The following GSTA5 variants were observed in gnomAD, a reference collection of about 807,000 sequenced individuals.
GSTA5 encodes glutathione S-transferase alpha 5, also known as glutathione S-transferase A5.
A neutral mutation model predicts 21.8 loss-of-function variants in GSTA5; 25 were observed. The ratio of observed to expected loss-of-function variants is 1.14; its 90% CI spans 0.83 to 1.60. GSTA5 has a LOEUF of 1.60. GSTA5 is among the 40% of genes most tolerant of loss of function. The pLI is 0.00. For synonymous variants in GSTA5, 102 were observed against 89.5 expected, an observed-to-expected ratio of 1.14 and a Z score of -0.78; for missense variants, 330 against 259.2, an observed-to-expected ratio of 1.27 and a Z score of -1.88.
At chr6:52,833,449 G>C (rs9370155) in intron 4 of GSTA5, among the ~76,000 whole-genome samples, 16,642 of 152,102 alleles carry the variant, frequency 0.11, 1,499 homozygotes, top group Admixed American at 0.29. Flanking sequence ...GTCCTCATTT[G>C]TCCTTGTCTG....
rs73740671 is a variant in GSTA5, at chr6:52,840,684, G to A, written c.87+43C>T. The A allele has an allele frequency of 2.2e-3, 3,443 of 1,544,776 alleles. 57 individuals carry two copies. The African/African-American group carries it at 0.04, about 18-fold the overall frequency. ...TTCTGTGGGAAAAGTATGTGATAAC[G>A]CAATTTTAAATCCAACTTAAGATGA... On this transcript the variant is annotated intron_variant, in intron 1 of 5. Transcript: ENST00000370989.
upstream of GSTA5, among the ~76,000 whole-genome samples, chr6:52,845,088 A>C (rs1764435125): frequency 6.6e-6 from 1 of 152,150 alleles, no homozygotes; most frequent in Non-Finnish European, 1.5e-5. Context: ...ATATGAATCC[A>C]GACATATCAA....
chr6:52,836,984 A>G (rs184757865), intron 2 of GSTA5, among the ~76,000 whole-genome samples: 50 of 152,228 alleles, frequency 3.3e-4, no homozygotes, highest in African/African-American at 1.1e-3. Flanking sequence ...AGAGGTTGGG[A>G]CAAGTTACAA....
At chr6:52,833,236 C>T (rs949853350) in intron 4 of GSTA5, among the ~76,000 whole-genome samples, 2 of 152,154 alleles carry the variant, frequency 1.3e-5, no homozygotes, top group African/African-American at 4.8e-5. Context: ...GGTGTCTACA[C>T]AACCCACCCA....
At chr6:52,832,586 T>C (rs962189941) in intron 5 of GSTA5, among the ~76,000 whole-genome samples, 1 of 152,076 alleles carries the variant, frequency 6.6e-6, no homozygotes, top group Admixed American at 6.5e-5. Flanking sequence ...CACATTGAAA[T>C]AGAGGGATGG....
At chr6:52,834,889 A>AC (rs35236825) in intron 3 of GSTA5, among the ~76,000 whole-genome samples, 4 of 152,086 alleles carry the variant, frequency 2.6e-5, no homozygotes, top group Non-Finnish European at 5.9e-5. Flanking sequence ...CTTTCCTGAG[A>AC]CCCCACCTAA....
At chr6:52,833,080 C>T (rs1764240832) in intron 4 of GSTA5, 90 bp from the exon 5 acceptor site, 2 of 1,485,988 alleles carry the variant, frequency 1.3e-6, no homozygotes, top group Admixed American at 1.7e-5. Flanking sequence ...CTGACTTTTC[C>T]CACCTCTGTT....
chr6:52,836,428 GA>G (rs1039026802), intron 2 of GSTA5, 60 bp from the exon 3 acceptor site: 17 of 1,511,938 alleles, frequency 1.1e-5, no homozygotes, highest in African/African-American at 1.1e-4. Flanking sequence ...CTTTTGGGAT[GA>G]AAAAAATGGT....
At chr6:52,838,653 A>G (rs1764325200) in intron 1 of GSTA5, among the ~76,000 whole-genome samples, 1 of 152,250 alleles carries the variant, frequency 6.6e-6, no homozygotes, top group Non-Finnish European at 1.5e-5. Flanking sequence ...CAGTTATTAC[A>G]TAATGATGCA....
chr6:52,837,678 C>T (rs765837393), intron 1 of GSTA5, 69 bp from the exon 2 acceptor site: 72 of 1,077,776 alleles, frequency 6.7e-5, no homozygotes, highest in Non-Finnish European at 9.0e-5. Context: ...GTTGAATGGC[C>T]CCTATCTGGT....
At chr6:52,837,669 T>C in intron 1 of GSTA5, 60 bp from the exon 2 acceptor site, 2 of 1,185,738 alleles carry the variant, frequency 1.7e-6, no homozygotes, top group Non-Finnish European at 2.5e-6. Flanking sequence ...ACTTGTGATG[T>C]TGAATGGCCC....
intron 3 of GSTA5, among the ~76,000 whole-genome samples, chr6:52,834,539 G>A (rs1233884823): frequency 6.6e-6 from 1 of 152,080 alleles, no homozygotes; most frequent in African/African-American, 2.4e-5. Flanking sequence ...TTACACACAT[G>A]ACCTAATACA....
chr6:52,841,230 T>C (rs1342364257), upstream of GSTA5, among the ~76,000 whole-genome samples: 1 of 152,244 alleles, frequency 6.6e-6, no homozygotes, highest in Non-Finnish European at 1.5e-5. Context: ...AAATGGTTGT[T>C]TTCTCCAATT....
intron 3 of GSTA5, among the ~76,000 whole-genome samples, 188 bp from the exon 4 acceptor site, chr6:52,834,470 G>A (rs1764265672): frequency 1.3e-5 from 2 of 152,098 alleles, no homozygotes; most frequent in Admixed American, 1.3e-4. Context: ...ATTTTTACAG[G>A]TATATTAACA....
intron 1 of GSTA5, 94 bp downstream of exon 1, chr6:52,840,633 G>A: frequency 2.7e-6 from 3 of 1,123,260 alleles, no homozygotes; most frequent in East Asian, 2.4e-5. Flanking sequence ...AAGGCACAAT[G>A]CTTCAGTAAG....
chr6:52,834,257 C>T (rs138014515), exon 4 of GSTA5: 1 of 1,613,926 alleles, frequency 6.2e-7, no homozygotes, highest in Non-Finnish European at 8.5e-7. Flanking sequence ...GTCAAATCTA[C>T]TATACCTTCT....
upstream of GSTA5, among the ~76,000 whole-genome samples, chr6:52,844,953 TTATC>T (rs1004145282): frequency 2.0e-5 from 3 of 152,176 alleles, no homozygotes; most frequent in African/African-American, 7.2e-5. Flanking sequence ...ATGTATTATT[TTATC>T]TATCAATCGT....
intron 3 of GSTA5, among the ~76,000 whole-genome samples, 190 bp from the exon 4 acceptor site, chr6:52,834,472 A>G (rs997557766): frequency 6.6e-5 from 10 of 152,190 alleles, no homozygotes; most frequent in Admixed American, 5.9e-4. Flanking sequence ...TTTTACAGGT[A>G]TATTAACATT....
chr6:52,832,517 C>T (rs888206903), intron 5 of GSTA5, among the ~76,000 whole-genome samples: 3 of 151,970 alleles, frequency 2.0e-5, no homozygotes, highest in Non-Finnish European at 4.4e-5. Context: ...CAATTCAATG[C>T]GGGAAGACAA....
Sources: gnomAD v4.1 joint callset for allele counts (sites outside exome capture counted in the v4.1 genomes callset) on GRCh38, gnomAD v4.1.1 for gene constraint, MANE v1.5 for transcripts, NCBI Gene and HGNC (gene_info 2026-07-23, HGNC 2026-07-21) for gene names.